The following GSE1 variants were observed in gnomAD, a reference collection of about 807,000 sequenced individuals.
The protein encoded by GSE1 is Gse1 coiled-coil protein.
Under a neutral mutation model 112.6 loss-of-function variants are expected in GSE1, and 32 were observed. That is an observed-to-expected ratio of 0.28 (90% confidence interval 0.21 to 0.38). The LOEUF (loss-of-function observed/expected upper bound fraction) is 0.38. GSE1 is among the 10% of genes least tolerant of loss of function. GSE1 has a pLI of 1.00. For synonymous variants in GSE1, 1,115 were observed against 735.6 expected, an observed-to-expected ratio of 1.52 and a Z score of -8.35; for missense variants, 2,348 against 1,699.2, an observed-to-expected ratio of 1.38 and a Z score of -6.71.
Position 85,654,458 on chromosome 16 carries a change from G to T in GSE1, c.599+8G>T. 1.3e-6 allele frequency: 2 copies of T among 1,556,902 alleles called. No individual in the cohort carries two copies. The highest frequency in any genetic ancestry group is 2.4e-5 in the South Asian group (2 of 81,846). On this transcript the variant is annotated splice_region_variant and intron_variant, in intron 4 of 15. Coordinates refer to ENST00000253458, the MANE Select transcript of GSE1 (RefSeq NM_014615.5). Reference sequence around the variant, plus strand: ...CCGCTTCCCGCCACTCAAGTAAGTTGGTCGGCGGGGACTTCGGTGAGGTGG... The same window carrying T: ...CCGCTTCCCGCCACTCAAGTAAGTTTGTCGGCGGGGACTTCGGTGAGGTGG...
At chr16:85,442,159 C>T (rs546314755) in intron 2 of GSE1, among the ~76,000 whole-genome samples, 6 of 152,314 alleles carry the variant, frequency 3.9e-5, no homozygotes, top group South Asian at 2.1e-4. Flanking sequence ...TTAGTCCTGC[C>T]GTCGTTTCAG....
At chr16:85,194,943 C>T (rs1266209320) in intron 1 of GSE1, among the ~76,000 whole-genome samples, 1 of 152,210 alleles carries the variant, frequency 6.6e-6, no homozygotes, top group African/African-American at 2.4e-5. Flanking sequence ...AGTCATAGCT[C>T]AGCCAGGGCC....
At chr16:85,385,617 G>A (rs573300157) in intron 2 of GSE1, among the ~76,000 whole-genome samples, 1 of 152,174 alleles carries the variant, frequency 6.6e-6, no homozygotes, top group Non-Finnish European at 1.5e-5. Context: ...GCACCCCCAG[G>A]GCCAGCCTGG....
chr16:85,218,021 C>T (rs563078580), intron 1 of GSE1, among the ~76,000 whole-genome samples: 1 of 152,182 alleles, frequency 6.6e-6, no homozygotes, highest in South Asian at 2.1e-4. Flanking sequence ...GTGCCTCAGC[C>T]TCCTGTGTAA....
chr16:85,415,483 G>A (rs923379320), intron 2 of GSE1, among the ~76,000 whole-genome samples: 1 of 152,226 alleles, frequency 6.6e-6, no homozygotes, highest in African/African-American at 2.4e-5. Context: ...TGCAGAGCTG[G>A]CAAACCGGGT....
At chr16:85,336,520 TGGTG>T (rs1010120452) in intron 1 of GSE1, among the ~76,000 whole-genome samples, 9 of 152,090 alleles carry the variant, frequency 5.9e-5, no homozygotes, top group Admixed American at 1.3e-4. Context: ...TTCTGCAGCC[TGGTG>T]GGCTGTGAGC....
intron 1 of GSE1, among the ~76,000 whole-genome samples, chr16:85,207,421 G>A (rs973459470): frequency 4.6e-5 from 7 of 152,238 alleles, no homozygotes; most frequent in African/African-American, 1.4e-4. Context: ...GACCTGGTCC[G>A]TGCCGGCCCC....
intron 1 of GSE1, among the ~76,000 whole-genome samples, chr16:85,206,093 A>T (rs2075110060): frequency 6.6e-6 from 1 of 151,246 alleles, no homozygotes; most frequent in African/African-American, 2.4e-5. Context: ...TTCCCTGGGG[A>T]GGCCGGGAGG....
upstream of GSE1, chr16:85,554,991 A>G (rs1278594745): frequency 1.0e-6 from 1 of 985,112 alleles, no homozygotes; most frequent in Non-Finnish European, 1.2e-6. Context: ...CCCCGTCCGC[A>G]TGGATCTGCC....
intron 1 of GSE1, among the ~76,000 whole-genome samples, chr16:85,314,889 C>A (rs992735573): frequency 6.6e-6 from 1 of 152,180 alleles, no homozygotes. Flanking sequence ...CATTCTGGGC[C>A]GTGTGTTGAT....
At chr16:85,184,064 C>CGT (rs1392071383) in intron 1 of GSE1, among the ~76,000 whole-genome samples, 1 of 152,194 alleles carries the variant, frequency 6.6e-6, no homozygotes, top group Non-Finnish European at 1.5e-5. Flanking sequence ...ATGGCGAACT[C>CGT]ACTCCCTCAG....
intron 1 of GSE1, among the ~76,000 whole-genome samples, chr16:85,239,687 G>C (rs1209714235): frequency 6.6e-6 from 1 of 152,220 alleles, no homozygotes; most frequent in African/African-American, 2.4e-5. Context: ...GGCTCTTCCG[G>C]GTAACTCCAT....
chr16:85,184,009 T>G (rs1056870858), intron 1 of GSE1, among the ~76,000 whole-genome samples: 1 of 152,212 alleles, frequency 6.6e-6, no homozygotes, highest in African/African-American at 2.4e-5. Flanking sequence ...GCCTTACTTA[T>G]CATTCCCCAG....
chr16:85,250,375 G>A (rs1244216956), intron 1 of GSE1, among the ~76,000 whole-genome samples: 1 of 152,180 alleles, frequency 6.6e-6, no homozygotes, highest in Non-Finnish European at 1.5e-5. Context: ...AAACAGAGCA[G>A]CTTGTGGGGC....
At chr16:85,350,809 C>T (rs2046837245) in intron 1 of GSE1, among the ~76,000 whole-genome samples, 1 of 152,166 alleles carries the variant, frequency 6.6e-6, no homozygotes, top group Non-Finnish European at 1.5e-5. Context: ...CGGACTCTTG[C>T]TCTGTCACCC....
At chr16:85,502,483 C>T (rs1056451765) in intron 2 of GSE1, among the ~76,000 whole-genome samples, 2 of 152,182 alleles carry the variant, frequency 1.3e-5, no homozygotes, top group Non-Finnish European at 2.9e-5. Flanking sequence ...CCAAAGTTCC[C>T]GCTATTACCG....
chr16:85,355,596 GGAT>G (rs1463256902), intron 1 of GSE1, among the ~76,000 whole-genome samples: 3 of 152,192 alleles, frequency 2.0e-5, no homozygotes. Flanking sequence ...TTGCTGTGTG[GGAT>G]GATGAGAAAG....
At chr16:85,246,235 A>ACACACACACG (rs1555546403) in intron 1 of GSE1, among the ~76,000 whole-genome samples, 1 of 128,840 alleles carries the variant, frequency 7.8e-6, no homozygotes, top group African/African-American at 2.9e-5. Context: ...ACACACACAC[A>ACACACACACG]CACGCACACC....
intron 1 of GSE1, among the ~76,000 whole-genome samples, chr16:85,266,640 C>A (rs1439320917): frequency 6.6e-6 from 1 of 151,518 alleles, no homozygotes; most frequent in African/African-American, 2.4e-5. Context: ...CTTCCTAGTC[C>A]TTTTACCCCC....
Sources: allele counts gnomAD v4.1 joint callset (sites outside exome capture counted in the v4.1 genomes callset), GRCh38; gene constraint gnomAD v4.1.1; transcripts MANE v1.5; gene names NCBI Gene and HGNC (gene_info 2026-07-23, HGNC 2026-07-21).